Variants in NAV2 observed in about 807,000 individuals in gnomAD.
NAV2 encodes helicase, APC down-regulated 1.
NAV2 carries 54 observed loss-of-function variants against 223.2 expected under a neutral mutation model. The ratio of observed to expected loss-of-function variants is 0.24; its 90% CI spans 0.19 to 0.30. The LOEUF is 0.30. NAV2 is among the 10% of genes least tolerant of loss of function. NAV2 has a pLI of 1.00. For missense variants in NAV2, 2,806 were observed against 3,147.5 expected, an observed-to-expected ratio of 0.89 and a Z score of 2.60; for synonymous variants, 1,279 against 1,239.3, an observed-to-expected ratio of 1.03 and a Z score of -0.67.
Position 20,101,131 on chromosome 11 carries a change from G to A in NAV2, c.6376G>A (p.Gly2126Arg), listed in dbSNP as rs767241462. The A allele has an allele frequency of 2.7e-5, 44 of 1,614,006 alleles. 1 individual carries two copies. The highest frequency in any genetic ancestry group is 2.6e-4 in the South Asian group (24 of 91,076). ...TCGAGAGGGACGGGAGTTGACAGAC[G>A]GGGTTATCGCCACCTTTAACGTGGA... is the stretch of plus-strand genomic sequence containing the variant. ...VLREGRELTD[G>R]VIATFNVDHK... Residue 2126 changes from glycine (G) to arginine (R), a missense_variant, in exon 32 of 38, where the codon GGG (glycine) becomes AGG (arginine). Transcript: ENST00000349880.
intron 1 of NAV2, among the ~76,000 whole-genome samples, chr11:19,678,174 A>T (rs568931660): frequency 6.6e-6 from 1 of 152,348 alleles, no homozygotes; most frequent in East Asian, 1.9e-4. Flanking sequence ...GATAATAAGG[A>T]TGATAAGAAG....
At chr11:20,067,251 C>T (rs961465846) in intron 20 of NAV2, among the ~76,000 whole-genome samples, 3 of 152,072 alleles carry the variant, frequency 2.0e-5, no homozygotes, top group Non-Finnish European at 4.4e-5. Flanking sequence ...GGCTCCCAAA[C>T]CCCCCTCACT....
intron 1 of NAV2, among the ~76,000 whole-genome samples, chr11:19,389,794 G>A (rs148966836): frequency 1.8e-4 from 27 of 152,294 alleles, no homozygotes; most frequent in Admixed American, 4.6e-4. Context: ...GCTGGCCTAG[G>A]CCTCTTGAAC....
chr11:19,955,963 G>A (rs1183124252), intron 10 of NAV2, among the ~76,000 whole-genome samples: 1 of 152,150 alleles, frequency 6.6e-6, no homozygotes, highest in African/African-American at 2.4e-5. Flanking sequence ...GGTGTGGCAG[G>A]CATCTCGAGA....
intron 1 of NAV2, among the ~76,000 whole-genome samples, chr11:19,731,921 G>T (rs1046702250): frequency 6.6e-6 from 1 of 152,162 alleles, no homozygotes; most frequent in Non-Finnish European, 1.5e-5. Flanking sequence ...ATACAGAGGG[G>T]TTAGGAATGC....
In NAV2 at chr11:19,629,977, C is replaced by T. The variant is rs752067007; in HGVS notation, c.76-202507C>T. On this transcript the variant is annotated intron_variant, in intron 1 of 37. Transcript: ENST00000360655. ...TGTGCACCTCTACCAAAATTCTGTA[C>T]CCTCTGATTTATGAGGCAGCCCCTG... is the stretch of plus-strand genomic sequence containing the variant. 3.9e-5 allele frequency among the ~76,000 whole-genome samples: 6 copies of T among 152,110 alleles called. No individual in the cohort carries two copies. The South Asian group carries it at 1.2e-3, about 32-fold the overall frequency.
At chr11:19,358,883 T>C (rs753786963) in intron 1 of NAV2, among the ~76,000 whole-genome samples, 6 of 152,160 alleles carry the variant, frequency 3.9e-5, no homozygotes, top group Non-Finnish European at 8.8e-5. Flanking sequence ...AGCTAAAAAG[T>C]AGGATAAATA....
intron 1 of NAV2, among the ~76,000 whole-genome samples, chr11:19,521,512 G>A (rs150134171): frequency 4.6e-5 from 7 of 152,290 alleles, no homozygotes; most frequent in Non-Finnish European, 8.8e-5. Flanking sequence ...TCCAGTTATC[G>A]GGGAGGCAGA....
chr11:20,013,813 AG>A (rs2053777443), intron 11 of NAV2, among the ~76,000 whole-genome samples: 1 of 152,202 alleles, frequency 6.6e-6, no homozygotes, highest in South Asian at 2.1e-4. Context: ...TGGGAGATCT[AG>A]GGGTATAGTT....
intron 3 of NAV2, among the ~76,000 whole-genome samples, chr11:19,861,830 G>A (rs1221287827): frequency 6.6e-6 from 1 of 152,234 alleles, no homozygotes; most frequent in Non-Finnish European, 1.5e-5. Flanking sequence ...GATACTGATT[G>A]AATGCACACA....
At chr11:19,584,469 T>G (rs2045826714) in intron 1 of NAV2, among the ~76,000 whole-genome samples, 2 of 152,232 alleles carry the variant, frequency 1.3e-5, no homozygotes, top group African/African-American at 2.4e-5. Context: ...CATTTTGATG[T>G]TAGGTTGTCA....
At position 19,549,888 on chromosome 11, in the gene NAV2, C is replaced by G. The variant is rs1038594385; in HGVS notation, c.75+198861C>G. Among the ~76,000 whole-genome samples the G allele has an allele frequency of 2.6e-5, 4 of 152,352 alleles. No homozygotes were observed. The East Asian group carries it at 7.7e-4, about 29-fold the overall frequency. The stretch of plus-strand genomic sequence containing the variant: ...TCTGCTTTTTCCTGATAGCCACTTC[C>G]CATGCCCTGCCCTCGGCTCTGGAGG... On this transcript the variant is annotated intron_variant, in intron 1 of 37. Transcript: ENST00000360655.
intron 24 of NAV2, among the ~76,000 whole-genome samples, chr11:20,079,801 G>A (rs1419132233): frequency 1.3e-5 from 2 of 152,106 alleles, no homozygotes; most frequent in East Asian, 3.9e-4. Flanking sequence ...TTAAGAGCTG[G>A]TGTTGGGGAA....
chr11:20,073,275 G>A (rs995323191), intron 22 of NAV2, among the ~76,000 whole-genome samples: 1 of 152,166 alleles, frequency 6.6e-6, no homozygotes, highest in Non-Finnish European at 1.5e-5. Context: ...TTGCATCCCA[G>A]GGATGAAGCC....
chr11:20,082,182 C>T (rs973062188), intron 25 of NAV2, among the ~76,000 whole-genome samples: 4 of 152,170 alleles, frequency 2.6e-5, no homozygotes, highest in African/African-American at 9.7e-5. Flanking sequence ...GCTATACAGC[C>T]ATCCAGGGCC....
intron 1 of NAV2, among the ~76,000 whole-genome samples, chr11:19,398,656 C>T (rs1849562274): frequency 6.6e-6 from 1 of 152,164 alleles, no homozygotes; most frequent in Admixed American, 6.5e-5. Flanking sequence ...TTCTGGGTGT[C>T]CTTCCCTAAT....
At chr11:20,103,228 C>A (rs958485724) in intron 32 of NAV2, 27 bp from the exon 33 acceptor site, 1 of 1,595,556 alleles carries the variant, frequency 6.3e-7, no homozygotes, top group African/African-American at 1.3e-5. Context: ...CCCACTTGTT[C>A]TCCTTCGGCC....
At chr11:20,103,481 A>C (rs1014343398) in intron 33 of NAV2, 72 bp downstream of exon 33, 1 of 1,559,558 alleles carries the variant, frequency 6.4e-7, no homozygotes, top group African/African-American at 1.4e-5. Flanking sequence ...CTGTGCACAC[A>C]GGTGGCCCGG....
At chr11:20,016,650 A>G (rs566911596) in intron 11 of NAV2, among the ~76,000 whole-genome samples, 18 of 152,286 alleles carry the variant, frequency 1.2e-4, no homozygotes, top group African/African-American at 4.1e-4. Flanking sequence ...GGTAAATGCA[A>G]AGAGTGAGGT....
Sources: allele counts gnomAD v4.1 joint callset (sites outside exome capture counted in the v4.1 genomes callset), GRCh38; gene constraint gnomAD v4.1.1; transcripts MANE v1.5; gene names NCBI Gene and HGNC (gene_info 2026-07-23, HGNC 2026-07-21).